The following OXNAD1 variants were observed in gnomAD, a reference collection of about 807,000 sequenced individuals.
The protein encoded by OXNAD1 is oxidoreductase NAD binding domain containing 1.
A neutral mutation model predicts 32.9 loss-of-function variants in OXNAD1; 34 were observed. That is an observed-to-expected ratio of 1.03 (90% CI 0.79 to 1.38). The LOEUF (loss-of-function observed/expected upper bound fraction) is 1.38, where lower values mean the gene tolerates loss of function less well. Ranked by LOEUF, OXNAD1 falls within the 40% of genes most tolerant of loss-of-function variation. The pLI, the probability that OXNAD1 is intolerant of heterozygous loss-of-function variation, is 0.00. For missense variants in OXNAD1, 407 were observed against 379.4 expected, an observed-to-expected ratio of 1.07 and a Z score of -0.60; for synonymous variants, 134 against 135.2, an observed-to-expected ratio of 0.99 and a Z score of 0.06.
In OXNAD1 at chr3:16,317,638, G is replaced by T. The variant is rs2068557792; in HGVS notation, c.*30+14046G>T. On this transcript the variant is annotated intron_variant, in intron 9 of 9. Coordinates refer to the OXNAD1 transcript ENST00000435829. The surrounding 1 kb of genome is among the most constrained non-coding windows in gnomAD (Gnocchi z 4.3). ...CTCATTTCCATTCTGAGCAGGCTGAGGATTACCAGGCACGGGGCTGGCATT... is the reference window on the plus strand; with the variant it reads ...CTCATTTCCATTCTGAGCAGGCTGATGATTACCAGGCACGGGGCTGGCATT... 6.6e-6 allele frequency among the ~76,000 whole-genome samples: 1 copy of T among 152,174 alleles called. No homozygotes were observed. Among genetic ancestry groups the T allele is most frequent in the Non-Finnish European group, 1.5e-5 (1 of 68,026 alleles).
At position 16,286,384 on chromosome 3, in the gene OXNAD1, C is replaced by T; in HGVS notation, c.226C>T (p.Pro76Ser). Residue 76 changes from proline to serine, a missense_variant, in exon 5 of 9, where the codon CCG becomes TCG. By Grantham distance (74) the Pro-to-Ser change is moderately conservative. Transcript: ENST00000285083. ...GGTGTGTGGAGCTGCCAGTGAGTCACCGTCAGTGAAGAGCCTCCGCTTGCT... is the reference window on the plus strand; with the variant it reads ...GGTGTGTGGAGCTGCCAGTGAGTCATCGTCAGTGAAGAGCCTCCGCTTGCT... ...AKVCGAASES[P>S]SVKSLRLLVA... 1.2e-6 allele frequency: 2 copies of T among 1,613,950 alleles called. No homozygotes were observed. Among genetic ancestry groups the T allele is most frequent in the Non-Finnish European group, 1.7e-6 (2 of 1,179,856 alleles).
Position 16,265,338 on chromosome 3 carries a change from T to G in OXNAD1, c.-326T>G, listed in dbSNP as rs935649774. On this transcript the variant is annotated 5_prime_UTR_variant, in exon 1 of 9. Coordinates refer to ENST00000285083, the MANE Select transcript of OXNAD1 (RefSeq NM_138381.5). The surrounding 1 kb of genome is among the most constrained non-coding windows in gnomAD (Gnocchi z 4.8). Reference sequence around the variant, plus strand: ...GCCCGCTGAAGGCTGCAGCAGGTGCTAGGTAGCAGCCTCCCGGCCCTCGGG... The same window carrying G: ...GCCCGCTGAAGGCTGCAGCAGGTGCGAGGTAGCAGCCTCCCGGCCCTCGGG... The G allele has an allele frequency of 3.1e-4, 50 of 159,936 alleles. 1 individual carries two copies. The highest frequency in any genetic ancestry group is 1.2e-4 in the Admixed American group (2 of 16,348). The allele number at this position is 159,936 out of a possible 1,614,324, so 9.9% of individuals were successfully genotyped here.
chr3:16,301,648 C>G lies in OXNAD1; in HGVS notation c.455C>G (p.Ala152Gly). The G allele has an allele frequency of 6.2e-7, 1 of 1,613,888 alleles. No homozygotes were observed. Among genetic ancestry groups the G allele is most frequent in the African/African-American group, 1.3e-5 (1 of 75,024 alleles). Residue 152 changes from alanine to glycine, a missense_variant, in exon 7 of 9, where the codon GCT becomes GGT. Ala to Gly is a moderately conservative substitution (Grantham distance 60). Coordinates refer to ENST00000285083, the MANE Select transcript of OXNAD1 (RefSeq NM_138381.5). The surrounding 1 kb of genome is among the most constrained non-coding windows in gnomAD (Gnocchi z 4.1). ...HNTCTLDCEV[A>G]VRVGGEFFFD... ...TAGTGTACACTTGACTGTGAAGTGG[C>G]TGTGAGAGTGGGTGGAGAGTTCTTC...
rs1181599442 is a variant in OXNAD1, at chr3:16,312,683, T to C, written c.*30+9091T>C. ...ATAAGCACTGTCTACACCTGAGAGC[T>C]ATTCCTGAACGATTTTGTGGTTTAG... is the stretch of plus-strand genomic sequence containing the variant. On this transcript the variant is annotated intron_variant, in intron 9 of 9. Transcript: ENST00000435829. The surrounding 1 kb of genome is among the most constrained non-coding windows in gnomAD (Gnocchi z 4.7). Among the ~76,000 whole-genome samples, 3 of 152,212 alleles carry C rather than the reference T, an allele frequency of 2.0e-5. No homozygotes were observed. The highest frequency in any genetic ancestry group is 1.3e-4 in the Admixed American group (2 of 15,286).
rs1438568299 is a variant in OXNAD1, at chr3:16,314,129, T to G, written c.*30+10537T>G. 1.3e-5 allele frequency among the ~76,000 whole-genome samples: 2 copies of G among 152,012 alleles called. No homozygotes were observed. The highest frequency in any genetic ancestry group is 4.8e-5 in the African/African-American group (2 of 41,396). On this transcript the variant is annotated intron_variant, in intron 9 of 9. Coordinates refer to the OXNAD1 transcript ENST00000435829. The surrounding 1 kb of genome is among the most constrained non-coding windows in gnomAD (Gnocchi z 4.4). Reference sequence around the variant, plus strand: ...TCCCCTGCAAACCCACTGTGACAGCTGCAGCCTCACAGACTTAACTGCCAA... The same window carrying G: ...TCCCCTGCAAACCCACTGTGACAGCGGCAGCCTCACAGACTTAACTGCCAA...
At position 16,329,445 on chromosome 3, in the gene OXNAD1, G is replaced by A. The variant is rs1278701244; in HGVS notation, c.*31-7667G>A. ...CAAGAATAATCCGTTTACAGGTGGG[G>A]CCAGGAGAGAATGCCATTCTGGTCC... On this transcript the variant is annotated intron_variant, in intron 9 of 9. Transcript: ENST00000435829. The surrounding 1 kb of genome is among the most constrained non-coding windows in gnomAD (Gnocchi z 4.5). 6.6e-6 allele frequency among the ~76,000 whole-genome samples: 1 copy of A among 152,182 alleles called. No homozygotes were observed. The highest frequency in any genetic ancestry group is 2.4e-5 in the African/African-American group (1 of 41,444).
At chr3:16,291,504 A>G (rs1002220415) in intron 5 of OXNAD1, among the ~76,000 whole-genome samples, 6 of 152,230 alleles carry the variant, frequency 3.9e-5, no homozygotes, top group East Asian at 1.9e-4. Flanking sequence ...CAGCAGAATC[A>G]TACAATACAG....
chr3:16,273,507 C>G (rs1427758135), intron 4 of OXNAD1, among the ~76,000 whole-genome samples: 2 of 151,280 alleles, frequency 1.3e-5, no homozygotes, highest in Non-Finnish European at 2.9e-5. Flanking sequence ...GATCCTCCTG[C>G]CTAAGCCTCC....
At position 16,271,038 on chromosome 3, in the gene OXNAD1, C is replaced by T; in HGVS notation, c.86C>T (p.Thr29Ile). The change falls in exon 3 of 9, where the codon ACA becomes ATA. Residue 29 changes from threonine to isoleucine, a missense_variant. Physicochemically the swap from Thr to Ile is moderately conservative, Grantham distance 89. Transcript: ENST00000285083. This position sits in a 1 kb window ranked among gnomAD's most constrained non-coding sequence, Gnocchi z 4.6. The stretch of plus-strand genomic sequence containing the variant: ...ATTGAGGCTGCGTCACTGAGATTGA[C>T]ACTCAGCACTTTGCGCCACCTTACT... Reference protein sequence around the residue: ...IRIEAASLRLTLSTLRHLTLT... With the variant: ...IRIEAASLRLILSTLRHLTLT... The T allele has an allele frequency of 4.3e-6, 7 of 1,614,172 alleles. No homozygotes were observed. In the East Asian group the frequency reaches 1.6e-4, roughly 36 times the overall value.
rs1203081284 is a variant in OXNAD1 at position 16,297,408 on chromosome 3, A to C, written c.432+2411A>C. 6.6e-6 allele frequency among the ~76,000 whole-genome samples: 1 copy of C among 152,218 alleles called. No individual in the cohort carries two copies. Among genetic ancestry groups the C allele is most frequent in the East Asian group, 1.9e-4 (1 of 5,206 alleles). On this transcript the variant is annotated intron_variant, in intron 6 of 8. Transcript: ENST00000285083. The surrounding 1 kb of genome is among the most constrained non-coding windows in gnomAD (Gnocchi z 4.3). ...TTGCTTATATTGCTAGTGGGAATGC[A>C]AAATAGTACAGCCGATCTGGAAAGC...
chr3:16,306,041 TA>T lies in OXNAD1; in HGVS notation c.*2481del, dbSNP rs113500948. 4,802 of 152,356 alleles carry T rather than the reference TA, an allele frequency of 0.032. 102 individuals are homozygous for T. The highest frequency in any genetic ancestry group is 0.082 in the Middle Eastern group (24 of 294). The allele number at this position is 152,356 out of a possible 1,614,324, so 9.4% of individuals were successfully genotyped here. On this transcript the variant is annotated 3_prime_UTR_variant, in exon 9 of 9. Transcript: ENST00000285083. ...AAATAGGTATTTCATAAATATTTGT[TA>T]ATATGCTCAGAGTTGATAAGCTGGA...
rs56034312 is a variant in OXNAD1 at position 16,334,308 on chromosome 3, T to A, written c.*31-2804T>A. 0.19 allele frequency among the ~76,000 whole-genome samples: 28,564 copies of A among 152,134 alleles called. 2,791 individuals are homozygous for A. Among genetic ancestry groups the A allele is most frequent in the Middle Eastern group, 0.29 (84 of 294 alleles). On this transcript the variant is annotated intron_variant, in intron 9 of 9. Transcript: ENST00000435829. This position sits in a 1 kb window ranked among gnomAD's most constrained non-coding sequence, Gnocchi z 4.3. ...GGAAGCATGCGTTCTTGTACATTGC[T>A]AGTGGAAGGGCTCATTGATTCAACC...
rs191292731 is a variant in OXNAD1 at position 16,280,478 on chromosome 3, A to G, written c.184-5864A>G. On this transcript the variant is annotated intron_variant, in intron 4 of 8. Transcript: ENST00000285083. The surrounding 1 kb of genome is among the most constrained non-coding windows in gnomAD (Gnocchi z 4.5). ...GCTTCTAGTCAGATTCCTACACATCAGATTGATACTCTGCTACCATTTAAA... is the reference window on the plus strand; with the variant it reads ...GCTTCTAGTCAGATTCCTACACATCGGATTGATACTCTGCTACCATTTAAA... 7.6e-4 allele frequency among the ~76,000 whole-genome samples: 115 copies of G among 151,866 alleles called. No homozygotes were observed. The highest frequency in any genetic ancestry group is 2.7e-3 in the African/African-American group (113 of 41,400).
intron 9 of OXNAD1, among the ~76,000 whole-genome samples, chr3:16,318,169 G>A (rs937343257): frequency 1.3e-5 from 2 of 151,916 alleles, no homozygotes; most frequent in African/African-American, 2.4e-5. Flanking sequence ...ACCCGAGAGC[G>A]AGCCCCAGCT....
At position 16,297,460 on chromosome 3, in the gene OXNAD1, A is replaced by G. The variant is rs1456536526; in HGVS notation, c.432+2463A>G. ...TTTTAGCAGTTTTCTATAAAGTTAA[A>G]CATACACCTAACATATGACCCAGCA... On this transcript the variant is annotated intron_variant, in intron 6 of 8. Transcript: ENST00000285083. This position sits in a 1 kb window ranked among gnomAD's most constrained non-coding sequence, Gnocchi z 4.3. Among the ~76,000 whole-genome samples, 2 of 152,342 alleles carry G rather than the reference A, an allele frequency of 1.3e-5. No homozygotes were observed.
chr3:16,281,895 C>CTT (rs1213407558), intron 4 of OXNAD1, among the ~76,000 whole-genome samples: 1,354 of 110,460 alleles, frequency 0.012, 24 homozygotes, highest in Middle Eastern at 0.025. Context: ...AATAACATTT[C>CTT]TTTTTTTTTT....
At position 16,302,746 on chromosome 3, in the gene OXNAD1, C is replaced by T. The variant is rs200884599; in HGVS notation, c.782C>T (p.Thr261Met). The change falls in exon 8 of 9, where the codon ACG becomes ATG. Residue 261 changes from threonine to methionine, a missense_variant and splice_region_variant. Coordinates refer to ENST00000285083, the MANE Select transcript of OXNAD1 (RefSeq NM_138381.5). This position sits in a 1 kb window ranked among gnomAD's most constrained non-coding sequence, Gnocchi z 4.2. ...QINAELKPYI[T>M]EGRITEKEIR... ...AATGCGGAACTCAAGCCATACATCACGGGTGAGTCCCCTAAAGATATTTTG... is the reference window on the plus strand; with the variant it reads ...AATGCGGAACTCAAGCCATACATCATGGGTGAGTCCCCTAAAGATATTTTG... 1.3e-4 allele frequency: 202 copies of T among 1,602,290 alleles called. No individual in the cohort carries two copies. Among genetic ancestry groups the T allele is most frequent in the Middle Eastern group, 1.2e-3 (7 of 6,048 alleles).
In OXNAD1 at chr3:16,313,205, A is replaced by ATTTTTTT. The variant is rs750491540; in HGVS notation, c.*30+9625_*30+9631dup. Among the ~76,000 whole-genome samples the ATTTTTTT allele has an allele frequency of 1.2e-4, 12 of 103,810 alleles. 1 individual carries two copies. The highest frequency in any genetic ancestry group is 2.2e-4 in the African/African-American group (5 of 22,790). 68.1% of individuals were successfully genotyped at this position (103,810 alleles called of 152,430 possible). On this transcript the variant is annotated intron_variant, in intron 9 of 9. Coordinates refer to the OXNAD1 transcript ENST00000435829. ...GTACATGTACCACCACACCCAGCGG[A>ATTTTTTT]TTTTTTTTTTTTTTTTTTGCAGAGG...
chr3:16,315,559 CT>C (rs2068298438), intron 9 of OXNAD1: 64 of 152,240 alleles, frequency 4.2e-4, no homozygotes, highest in African/African-American at 1.4e-3. Context: ...AGGTTTTTTG[CT>C]TATTTTAAAA....
Sources: allele counts gnomAD v4.1 joint callset (sites outside exome capture counted in the v4.1 genomes callset), GRCh38; gene constraint gnomAD v4.1.1; non-coding constraint Gnocchi (gnomAD v3.1); transcripts MANE v1.5; gene names NCBI Gene and HGNC (gene_info 2026-07-23, HGNC 2026-07-21).